Variants in CREB5 observed in about 807,000 individuals in gnomAD.
The protein encoded by CREB5 is cyclic AMP-responsive element-binding protein 5.
CREB5 carries 19 observed loss-of-function variants against 57.1 expected under a neutral mutation model. The observed-to-expected ratio is 0.33, with a 90% CI of 0.23 to 0.49. CREB5 has a LOEUF of 0.49. CREB5 is among the 20% of genes least tolerant of loss of function. The pLI is 0.99. For missense variants in CREB5, 579 were observed against 671.6 expected, an observed-to-expected ratio of 0.86 and a Z score of 1.52; for synonymous variants, 238 against 238.3, an observed-to-expected ratio of 1.00 and a Z score of 0.01.
intron 5 of CREB5, among the ~76,000 whole-genome samples, chr7:28,637,764 C>T (rs920424024): frequency 6.6e-6 from 1 of 152,166 alleles, no homozygotes; most frequent in Non-Finnish European, 1.5e-5. Context: ...TCAACTTCTA[C>T]AAGTCAACCA....
chr7:28,752,162 C>G (rs1395869463), intron 7 of CREB5, among the ~76,000 whole-genome samples: 1 of 152,064 alleles, frequency 6.6e-6, no homozygotes. Flanking sequence ...CTATCTTTCT[C>G]TTTGTAATTT....
intron 1 of CREB5, among the ~76,000 whole-genome samples, chr7:28,326,401 A>G (rs563851744): frequency 4.7e-4 from 71 of 152,334 alleles, no homozygotes; most frequent in African/African-American, 1.6e-3. Context: ...ATCTCCCTAC[A>G]TGGACTGTCT....
At chr7:28,371,967 T>C (rs1786714550) in intron 1 of CREB5, among the ~76,000 whole-genome samples, 1 of 152,104 alleles carries the variant, frequency 6.6e-6, no homozygotes, top group Non-Finnish European at 1.5e-5. Context: ...GGTTAAGATA[T>C]CAGTTATTCA....
At chr7:28,342,243 A>T (rs1000975615) in intron 1 of CREB5, among the ~76,000 whole-genome samples, 3 of 152,156 alleles carry the variant, frequency 2.0e-5, no homozygotes, top group Non-Finnish European at 2.9e-5. Flanking sequence ...CCTCTCTTCC[A>T]TTTGGTGCCT....
intron 5 of CREB5, among the ~76,000 whole-genome samples, chr7:28,605,540 C>G (rs1021835280): frequency 6.6e-6 from 1 of 152,092 alleles, no homozygotes; most frequent in Non-Finnish European, 1.5e-5. Flanking sequence ...TTGGGGAAAC[C>G]CAAACAATGC....
chr7:28,572,477 G>A (rs1795742503), intron 5 of CREB5, among the ~76,000 whole-genome samples: 1 of 152,184 alleles, frequency 6.6e-6, no homozygotes, highest in Non-Finnish European at 1.5e-5. Context: ...GCTTTCAGCA[G>A]ACAATTCACA....
chr7:28,492,358 T>G lies in CREB5; in HGVS notation c.76-2548T>G, dbSNP rs368547460. On this transcript the variant is annotated intron_variant, in intron 2 of 10. Coordinates refer to ENST00000357727, the MANE Select transcript of CREB5 (RefSeq NM_182898.4). ...TATCTTTGTCTCAGAAGGAAGAGTT[T>G]CTCTTGCCCTTTGTAATCTCACAGA... Among the ~76,000 whole-genome samples the G allele has an allele frequency of 7.2e-5, 11 of 152,370 alleles. No homozygotes were observed. In the East Asian group the frequency reaches 2.1e-3, roughly 29 times the overall value.
intron 1 of CREB5, among the ~76,000 whole-genome samples, chr7:28,330,666 G>C (rs1785699498): frequency 6.6e-6 from 1 of 151,108 alleles, no homozygotes; most frequent in Non-Finnish European, 1.5e-5. Context: ...GAGTCTCCCA[G>C]CTGAAGGGCA....
chr7:28,370,406 T>C (rs1371760245), intron 1 of CREB5, among the ~76,000 whole-genome samples: 2 of 152,130 alleles, frequency 1.3e-5, no homozygotes, highest in Non-Finnish European at 2.9e-5. Flanking sequence ...AAGAGCTTGG[T>C]AATTATAAAA....
intron 5 of CREB5, among the ~76,000 whole-genome samples, chr7:28,644,775 C>T (rs1798826710): frequency 6.6e-6 from 1 of 152,010 alleles, no homozygotes; most frequent in Non-Finnish European, 1.5e-5. Flanking sequence ...TACTGACCTG[C>T]AGCATTAAGG....
intron 4 of CREB5, among the ~76,000 whole-genome samples, chr7:28,545,591 A>G (rs776602462): frequency 1.3e-5 from 2 of 152,224 alleles, no homozygotes; most frequent in African/African-American, 4.8e-5. Flanking sequence ...CTTCTTTAAG[A>G]AACATATGTA....
At chr7:28,407,059 T>TA (rs1316128211) in intron 1 of CREB5, among the ~76,000 whole-genome samples, 1 of 123,900 alleles carries the variant, frequency 8.1e-6, no homozygotes, top group African/African-American at 2.9e-5. Context: ...TTTCCTTTTA[T>TA]TTTTTTTGAG....
At chr7:28,665,272 G>T (rs879321167) in intron 5 of CREB5, among the ~76,000 whole-genome samples, 1 of 152,062 alleles carries the variant, frequency 6.6e-6, no homozygotes, top group African/African-American at 2.4e-5. Flanking sequence ...TGTTGCCTGC[G>T]TCTCCTACAG....
intron 7 of CREB5, among the ~76,000 whole-genome samples, chr7:28,764,217 C>T (rs1206822396): frequency 6.6e-6 from 1 of 152,072 alleles, no homozygotes; most frequent in Non-Finnish European, 1.5e-5. Context: ...CCTGAATACA[C>T]CCCTAGGTTC....
chr7:28,542,466 A>G (rs1794246473), intron 4 of CREB5, among the ~76,000 whole-genome samples: 1 of 152,168 alleles, frequency 6.6e-6, no homozygotes, highest in Admixed American at 6.5e-5. Context: ...TTGCACCGTC[A>G]CTGTTATCTA....
chr7:28,793,328 T>C (rs1233829543), intron 7 of CREB5, among the ~76,000 whole-genome samples: 1 of 152,182 alleles, frequency 6.6e-6, no homozygotes, highest in Non-Finnish European at 1.5e-5. Context: ...CAAGACAATC[T>C]AAACTTCCAT....
intron 5 of CREB5, among the ~76,000 whole-genome samples, chr7:28,693,000 C>T (rs1801353536): frequency 6.6e-6 from 1 of 152,174 alleles, no homozygotes; most frequent in African/African-American, 2.4e-5. Flanking sequence ...CAATGCTGTA[C>T]CCAAGAAGAA....
Position 28,400,936 on chromosome 7 carries a change from G to A in CREB5, c.-24-93970G>A, listed in dbSNP as rs186307108. Among the ~76,000 whole-genome samples, 178 of 152,238 alleles carry A rather than the reference G, an allele frequency of 1.2e-3. 2 individuals carry two copies. The Middle Eastern group carries it at 0.038, about 32-fold the overall frequency. ...ATATCAATAATGTTTTAGTCTAAAT[G>A]AAACTTCCCTGTATATAAAACATTC... On this transcript the variant is annotated intron_variant, in intron 1 of 9. Transcript: ENST00000396299.
intron 1 of CREB5, among the ~76,000 whole-genome samples, chr7:28,353,351 C>T (rs1786273585): frequency 6.6e-6 from 1 of 152,124 alleles, no homozygotes. Flanking sequence ...ATCCCATACT[C>T]TGAAAGAAAA....
Sources: gnomAD v4.1 joint callset for allele counts (sites outside exome capture counted in the v4.1 genomes callset) on GRCh38, gnomAD v4.1.1 for gene constraint, MANE v1.5 for transcripts, NCBI Gene and HGNC (gene_info 2026-07-23, HGNC 2026-07-21) for gene names.